Variants in PKIG observed in about 807,000 individuals in gnomAD.
PKIG encodes the protein protein kinase (cAMP-dependent, catalytic) inhibitor gamma.
Under a neutral mutation model 6.8 loss-of-function variants are expected in PKIG, and 1 was observed. That is an observed-to-expected ratio of 0.15 (90% CI 0.05 to 0.69). The LOEUF is 0.69. PKIG is among the 30% of genes least tolerant of loss of function. The pLI is 0.82. For missense variants in PKIG, 77 were observed against 104.0 expected, an observed-to-expected ratio of 0.74 and a Z score of 1.13; for synonymous variants, 39 against 43.0, an observed-to-expected ratio of 0.91 and a Z score of 0.36.
At chr20:44,547,917 C>T (rs2064630752) in intron 1 of PKIG, among the ~76,000 whole-genome samples, 1 of 152,050 alleles carries the variant, frequency 6.6e-6, no homozygotes, top group Non-Finnish European at 1.5e-5. Context: ...TGGCTCATGA[C>T]TTGTAATTCC....
intron 2 of PKIG, among the ~76,000 whole-genome samples, chr20:44,610,015 C>T (rs1041908757): frequency 6.6e-6 from 1 of 152,194 alleles, no homozygotes; most frequent in South Asian, 2.1e-4. Context: ...AAGCATTGAG[C>T]GGTTTCCCCA....
chr20:44,539,468 G>A (rs1035560843), intron 1 of PKIG, among the ~76,000 whole-genome samples: 4 of 150,722 alleles, frequency 2.7e-5, no homozygotes, highest in African/African-American at 9.8e-5. Flanking sequence ...TGCCCAGGCT[G>A]GAGCGCAGTG....
upstream of PKIG, among the ~76,000 whole-genome samples, chr20:44,578,409 C>T (rs6017365): frequency 0.21 from 32,513 of 151,484 alleles, 4,452 homozygotes; most frequent in African/African-American, 0.39. Context: ...TTAGTAGAGA[C>T]GGTGTTTCAC....
intron 1 of PKIG, among the ~76,000 whole-genome samples, chr20:44,557,851 G>T (rs1057067184): frequency 6.6e-6 from 1 of 151,308 alleles, no homozygotes; most frequent in Non-Finnish European, 1.5e-5. Flanking sequence ...AAAAAAAAAA[G>T]CTGTGGTGGA....
At chr20:44,562,563 C>T (rs536898441) in intron 1 of PKIG, among the ~76,000 whole-genome samples, 7 of 135,790 alleles carry the variant, frequency 5.2e-5, no homozygotes, top group African/African-American at 2.0e-4. Context: ...GATCGTGCCA[C>T]TGCACTCCAG....
chr20:44,559,546 A>T (rs1234823428), intron 1 of PKIG, among the ~76,000 whole-genome samples: 1 of 152,210 alleles, frequency 6.6e-6, no homozygotes, highest in African/African-American at 2.4e-5. Flanking sequence ...CTGCCCTTGG[A>T]CACTGTCAGG....
rs2064744682 is a variant in PKIG at position 44,559,091 on chromosome 20, GT to G, written c.-240-23489del. ...TCAGAGCAGTCCATCTCATCTGCCT[GT>G]TTTTCTTCTTAAAATAAACTTTTAA... On this transcript the variant is annotated intron_variant, in intron 1 of 4. Transcript: ENST00000372887. 2.0e-5 allele frequency among the ~76,000 whole-genome samples: 3 copies of G among 152,074 alleles called. 1 individual carries two copies.
chr20:44,611,350 G>A (rs923838492), intron 2 of PKIG, among the ~76,000 whole-genome samples: 2 of 149,020 alleles, frequency 1.3e-5, no homozygotes, highest in African/African-American at 4.9e-5. Flanking sequence ...CACCGCACCC[G>A]GCCTAGAATG....
At chr20:44,588,794 C>T (rs986639108) in intron 1 of PKIG, among the ~76,000 whole-genome samples, 4 of 152,116 alleles carry the variant, frequency 2.6e-5, no homozygotes, top group Non-Finnish European at 5.9e-5. Flanking sequence ...GGAGAATATT[C>T]TTGGGGTCTG....
At chr20:44,535,696 T>A (rs1380877481) in intron 1 of PKIG, among the ~76,000 whole-genome samples, 1 of 152,202 alleles carries the variant, frequency 6.6e-6, no homozygotes, top group Non-Finnish European at 1.5e-5. Context: ...GTTTACATTA[T>A]GTGGTTAGGT....
chr20:44,564,229 T>C (rs146161049), intron 1 of PKIG: 137 of 152,358 alleles, frequency 9.0e-4, no homozygotes, highest in African/African-American at 3.2e-3. Flanking sequence ...GGGGCTCTGG[T>C]AAAGTATCTT....
intron 2 of PKIG, among the ~76,000 whole-genome samples, chr20:44,605,324 G>A (rs547156725): frequency 9.6e-4 from 143 of 149,222 alleles, no homozygotes; most frequent in African/African-American, 3.1e-3. Context: ...GGAGAATGGC[G>A]TGAACCCAGG....
At chr20:44,572,852 A>G (rs1477267991) in intron 1 of PKIG, among the ~76,000 whole-genome samples, 2 of 152,186 alleles carry the variant, frequency 1.3e-5, no homozygotes, top group Non-Finnish European at 2.9e-5. Context: ...ACCAAGGGTC[A>G]CATGTTCACC....
chr20:44,572,026 C>T (rs568844571), intron 1 of PKIG, among the ~76,000 whole-genome samples: 20 of 152,278 alleles, frequency 1.3e-4, no homozygotes, highest in African/African-American at 4.1e-4. Flanking sequence ...TGTTTTGAGA[C>T]GGAGTCTCGC....
chr20:44,560,856 A>C (rs974367541), intron 1 of PKIG, among the ~76,000 whole-genome samples: 1 of 152,236 alleles, frequency 6.6e-6, no homozygotes, highest in Non-Finnish European at 1.5e-5. Flanking sequence ...TAGTCCTCTA[A>C]ATAATTTTTT....
intron 1 of PKIG, among the ~76,000 whole-genome samples, chr20:44,574,946 C>T (rs886813746): frequency 6.6e-6 from 1 of 152,126 alleles, no homozygotes; most frequent in African/African-American, 2.4e-5. Context: ...AATTAATAAT[C>T]CTTTATTATT....
intron 2 of PKIG, among the ~76,000 whole-genome samples, chr20:44,596,079 T>G (rs977327048): frequency 6.6e-6 from 1 of 152,216 alleles, no homozygotes; most frequent in African/African-American, 2.4e-5. Context: ...AAAATCTATA[T>G]GTCAGGAGCT....
At chr20:44,589,204 G>A (rs2065014921) in intron 1 of PKIG, among the ~76,000 whole-genome samples, 1 of 151,782 alleles carries the variant, frequency 6.6e-6, no homozygotes, top group African/African-American at 2.4e-5. Flanking sequence ...GGACACAGTA[G>A]TTCACACCTG....
chr20:44,597,024 T>A (rs1257545583), intron 2 of PKIG, among the ~76,000 whole-genome samples: 1 of 152,164 alleles, frequency 6.6e-6, no homozygotes, highest in Non-Finnish European at 1.5e-5. Context: ...TTGCATGCTG[T>A]GCCCTCTGCC....
Sources: allele counts gnomAD v4.1 joint callset (sites outside exome capture counted in the v4.1 genomes callset), GRCh38; gene constraint gnomAD v4.1.1; transcripts MANE v1.5; gene names NCBI Gene and HGNC (gene_info 2026-07-23, HGNC 2026-07-21).